The following HS6ST3 variants were observed in gnomAD, a reference collection of about 807,000 sequenced individuals.
The protein encoded by HS6ST3 is heparan-sulfate 6-O-sulfotransferase 3.
A neutral mutation model predicts 36.7 loss-of-function variants in HS6ST3; 12 were observed. The ratio of observed to expected loss-of-function variants is 0.33; its 90% confidence interval spans 0.21 to 0.53. The LOEUF (loss-of-function observed/expected upper bound fraction) is 0.53, where lower values mean the gene tolerates loss of function less well. Among genes scored for constraint, HS6ST3 ranks in the 20% least tolerant of loss-of-function variants. The probability of loss-of-function intolerance (pLI) is 0.95; values close to 1 mark genes in which losing one functional copy is unlikely to be tolerated. For missense variants in HS6ST3, 584 were observed against 640.9 expected, an observed-to-expected ratio of 0.91 and a Z score of 0.96; for synonymous variants, 240 against 257.5, an observed-to-expected ratio of 0.93 and a Z score of 0.65.
At chr13:96,111,424 A>G (rs2053867862) in intron 1 of HS6ST3, among the ~76,000 whole-genome samples, 1 of 152,258 alleles carries the variant, frequency 6.6e-6, no homozygotes, top group Non-Finnish European at 1.5e-5. Context: ...TGTGTGTGCC[A>G]GACATCTAGG....
intron 1 of HS6ST3, among the ~76,000 whole-genome samples, chr13:96,633,688 A>T (rs1245480443): frequency 6.6e-6 from 1 of 152,158 alleles, no homozygotes; most frequent in Non-Finnish European, 1.5e-5. Context: ...AGTGGATCTT[A>T]TGGATTGAAC....
intron 1 of HS6ST3, among the ~76,000 whole-genome samples, chr13:96,329,531 G>A (rs11069235): frequency 0.067 from 8,711 of 130,068 alleles, 509 homozygotes; most frequent in Middle Eastern, 0.13. Flanking sequence ...GTTTGATTGC[G>A]CTGTGGTCTG....
intron 1 of HS6ST3, among the ~76,000 whole-genome samples, chr13:96,441,611 G>T (rs1208891665): frequency 1.3e-5 from 2 of 152,134 alleles, no homozygotes; most frequent in African/African-American, 4.8e-5. Context: ...TTCAGAAAGT[G>T]CAGAAAATAA....
In HS6ST3 at chr13:96,618,382, T is replaced by C. The variant is rs115800490; in HGVS notation, c.708-214108T>C. Among the ~76,000 whole-genome samples, 862 of 152,280 alleles carry C rather than the reference T, an allele frequency of 5.7e-3. 5 individuals are homozygous for C. Among genetic ancestry groups the C allele is most frequent in the African/African-American group, 0.02 (814 of 41,566 alleles). On this transcript the variant is annotated intron_variant, in intron 1 of 1. Transcript: ENST00000376705. ...TCCCAAAGACTAGAGATTACAGGCA[T>C]GAACCATCATGCCCTGGCTGGTTCT...
intron 1 of HS6ST3, among the ~76,000 whole-genome samples, chr13:96,629,816 T>G (rs2056525713): frequency 6.6e-6 from 1 of 152,182 alleles, no homozygotes; most frequent in African/African-American, 2.4e-5. Flanking sequence ...TTTGCTACCA[T>G]TTGCTAAATG....
intron 1 of HS6ST3, among the ~76,000 whole-genome samples, chr13:96,639,139 TC>T (rs1384354247): frequency 1.3e-5 from 2 of 152,034 alleles, no homozygotes; most frequent in Non-Finnish European, 2.9e-5. Context: ...ATTGAAGTTC[TC>T]AACTATTATT....
At chr13:96,552,288 T>A (rs2056222282) in intron 1 of HS6ST3, among the ~76,000 whole-genome samples, 1 of 152,220 alleles carries the variant, frequency 6.6e-6, no homozygotes, top group Admixed American at 6.5e-5. Context: ...CACCGCCTCA[T>A]AGGATCACCT....
chr13:96,545,992 A>G (rs1385271630), intron 1 of HS6ST3, among the ~76,000 whole-genome samples: 1 of 152,122 alleles, frequency 6.6e-6, no homozygotes, highest in East Asian at 1.9e-4. Flanking sequence ...CTCAAGAAAT[A>G]TTTGTTGAAT....
intron 1 of HS6ST3, among the ~76,000 whole-genome samples, chr13:96,447,393 A>G (rs912087512): frequency 1.3e-5 from 2 of 151,964 alleles, no homozygotes; most frequent in African/African-American, 4.8e-5. Flanking sequence ...TTGTTATAGG[A>G]GTTACTAAGA....
chr13:96,760,905 T>C (rs1279462310), intron 1 of HS6ST3, among the ~76,000 whole-genome samples: 1 of 152,146 alleles, frequency 6.6e-6, no homozygotes, highest in Non-Finnish European at 1.5e-5. Context: ...TGTACCCACA[T>C]TCCATTTATA....
At chr13:96,115,254 C>G (rs1432982955) in intron 1 of HS6ST3, among the ~76,000 whole-genome samples, 1 of 152,094 alleles carries the variant, frequency 6.6e-6, no homozygotes, top group Non-Finnish European at 1.5e-5. Flanking sequence ...TCTAACTAGG[C>G]CATATTAAAA....
intron 1 of HS6ST3, among the ~76,000 whole-genome samples, chr13:96,126,763 A>G (rs2053954035): frequency 6.6e-6 from 1 of 152,154 alleles, no homozygotes; most frequent in Non-Finnish European, 1.5e-5. Context: ...TTAGGGCTCC[A>G]CAACCCTGTT....
At chr13:96,393,315 C>T (rs1230117019) in intron 1 of HS6ST3, among the ~76,000 whole-genome samples, 3 of 152,038 alleles carry the variant, frequency 2.0e-5, no homozygotes, top group Admixed American at 6.6e-5. Flanking sequence ...GGGAGCAGCC[C>T]GGAGGAGACC....
chr13:96,630,071 A>G (rs373753062), intron 1 of HS6ST3, among the ~76,000 whole-genome samples: 2 of 152,314 alleles, frequency 1.3e-5, no homozygotes, highest in South Asian at 2.1e-4. Flanking sequence ...CTTTTAATAC[A>G]TTCACATGCT....
intron 1 of HS6ST3, among the ~76,000 whole-genome samples, chr13:96,404,519 G>T (rs555663195): frequency 6.6e-6 from 1 of 152,290 alleles, no homozygotes; most frequent in Non-Finnish European, 1.5e-5. Context: ...TGTGATGAAG[G>T]ATTAGGGAAA....
intron 1 of HS6ST3, among the ~76,000 whole-genome samples, chr13:96,649,641 A>C (rs1030256069): frequency 1.3e-5 from 2 of 151,950 alleles, no homozygotes; most frequent in African/African-American, 4.8e-5. Flanking sequence ...CTCCACCTCC[A>C]TTACTGTATC....
intron 1 of HS6ST3, among the ~76,000 whole-genome samples, chr13:96,223,006 G>A (rs1310697191): frequency 6.6e-6 from 1 of 150,860 alleles, no homozygotes; most frequent in Non-Finnish European, 1.5e-5. Context: ...TTTATGATGT[G>A]CATTTTGATT....
intron 1 of HS6ST3, among the ~76,000 whole-genome samples, chr13:96,196,015 A>G (rs970255227): frequency 6.6e-6 from 1 of 152,048 alleles, no homozygotes; most frequent in Non-Finnish European, 1.5e-5. Context: ...ATTTCTTTCT[A>G]TTTTAGATCT....
At chr13:96,445,501 C>T (rs1003897052) in intron 1 of HS6ST3, among the ~76,000 whole-genome samples, 17 of 145,660 alleles carry the variant, frequency 1.2e-4, no homozygotes, top group Middle Eastern at 3.4e-3. Context: ...AAACACTCTA[C>T]ATTAACCCCA....
Sources: gnomAD v4.1 joint callset for allele counts (sites outside exome capture counted in the v4.1 genomes callset) on GRCh38, gnomAD v4.1.1 for gene constraint, MANE v1.5 for transcripts, NCBI Gene and HGNC (gene_info 2026-07-23, HGNC 2026-07-21) for gene names.